HMGB1: variants seen among roughly 807,000 people sequenced by gnomAD.
HMGB1 encodes high mobility group protein B1.
For missense variants in HMGB1, 79 were observed against 253.5 expected, an observed-to-expected ratio of 0.31 and a Z score of 4.67; for synonymous variants, 81 against 84.0, an observed-to-expected ratio of 0.96 and a Z score of 0.19.
At chr13:30,589,280 C>T (rs182946732) in intron 1 of HMGB1, among the ~76,000 whole-genome samples, 1 of 152,220 alleles carries the variant, frequency 6.6e-6, no homozygotes, top group African/African-American at 2.4e-5. Flanking sequence ...GCTGGGATTA[C>T]AGGCGTGAAC....
rs556880853 is a variant in HMGB1 at position 30,588,249 on chromosome 13, T to C, written c.-15+28422A>G. On this transcript the variant is annotated intron_variant, in intron 1 of 4. Transcript: ENST00000405805. ...CAGAAAGACAATGTATAATTATACA[T>C]ACGCACTAAAGCAAAGATAACATAA... Among the ~76,000 whole-genome samples, 11 of 152,290 alleles carry C rather than the reference T, an allele frequency of 7.2e-5. No homozygotes were observed. The South Asian group carries it at 2.3e-3, about 32-fold the overall frequency.
intron 1 of HMGB1, among the ~76,000 whole-genome samples, chr13:30,538,491 T>C (rs936117566): frequency 2.0e-5 from 1 of 49,188 alleles, no homozygotes; most frequent in African/African-American, 5.5e-5. Flanking sequence ...TCTTTCTTTC[T>C]TTCTTTCTTT....
intron 1 of HMGB1, among the ~76,000 whole-genome samples, chr13:30,488,737 T>G (rs1887422184): frequency 6.6e-6 from 1 of 150,994 alleles, no homozygotes. Context: ...CAGGCTGGTT[T>G]TGAACTCCTG....
chr13:30,547,843 G>A (rs1039149846), intron 1 of HMGB1, among the ~76,000 whole-genome samples: 3 of 152,088 alleles, frequency 2.0e-5, no homozygotes, highest in South Asian at 2.1e-4. Context: ...GCTTGAACCC[G>A]GGAGGCAGAG....
chr13:30,503,652 T>C (rs1887788118), intron 1 of HMGB1, among the ~76,000 whole-genome samples: 1 of 146,814 alleles, frequency 6.8e-6, no homozygotes, highest in African/African-American at 2.5e-5. Context: ...AGCTTCTTTT[T>C]TTTTTTTTTT....
At chr13:30,464,009 G>T in intron 1 of HMGB1, 3 of 719,794 alleles carry the variant, frequency 4.2e-6, no homozygotes, top group Non-Finnish European at 3.4e-6. Flanking sequence ...TCACTTAAAC[G>T]ATTTTAAAAT....
intron 1 of HMGB1, among the ~76,000 whole-genome samples, chr13:30,500,409 G>A (rs1887707449): frequency 1.3e-5 from 2 of 152,106 alleles, no homozygotes; most frequent in African/African-American, 4.8e-5. Context: ...CCATTCTGTT[G>A]CTCAGGCTGG....
intron 1 of HMGB1, among the ~76,000 whole-genome samples, chr13:30,523,209 A>T (rs1888279254): frequency 1.3e-5 from 2 of 152,202 alleles, no homozygotes; most frequent in Non-Finnish European, 2.9e-5. Context: ...TTTTGTGTTT[A>T]TGAACTGAGA....
chr13:30,561,888 G>A (rs1185017776), intron 1 of HMGB1, among the ~76,000 whole-genome samples: 1 of 152,114 alleles, frequency 6.6e-6, no homozygotes, highest in Non-Finnish European at 1.5e-5. Context: ...AGACATGAGG[G>A]AGGGGCCAGA....
Position 30,519,567 on chromosome 13 carries a change from G to A in HMGB1, c.-14-55873C>T, listed in dbSNP as rs935258032. ...AAAAAAAAATTAGCCAGGCGTGGTG[G>A]CGGGCGCCTGTAGTCCCAGCTACTT... On this transcript the variant is annotated intron_variant, in intron 1 of 4. Transcript: ENST00000405805. Among the ~76,000 whole-genome samples the A allele has an allele frequency of 4.6e-5, 7 of 151,296 alleles. No homozygotes were observed. In the South Asian group the frequency reaches 8.4e-4, roughly 18 times the overall value.
At chr13:30,549,905 C>A (rs1250194589) in intron 1 of HMGB1, among the ~76,000 whole-genome samples, 1 of 151,974 alleles carries the variant, frequency 6.6e-6, no homozygotes, top group Non-Finnish European at 1.5e-5. Context: ...TTAGTAGAGA[C>A]GGGGTTTTGC....
chr13:30,497,101 C>A (rs1445794599), intron 1 of HMGB1, among the ~76,000 whole-genome samples: 1 of 152,154 alleles, frequency 6.6e-6, no homozygotes, highest in African/African-American at 2.4e-5. Context: ...TATCTCTTTT[C>A]GCTGGCTCCT....
chr13:30,521,595 C>A (rs1311779056), intron 1 of HMGB1, among the ~76,000 whole-genome samples: 2 of 152,162 alleles, frequency 1.3e-5, no homozygotes, highest in Non-Finnish European at 2.9e-5. Flanking sequence ...GGATATATCA[C>A]ATTTTATTTA....
chr13:30,464,346 G>C (rs1336406983), intron 1 of HMGB1: 3 of 985,358 alleles, frequency 3.0e-6, no homozygotes, highest in Non-Finnish European at 1.2e-6. Flanking sequence ...CCGGTCTGAA[G>C]TTTCTCCGAG....
intron 3 of HMGB1, 55 bp downstream of exon 3, chr13:30,463,152 T>C: frequency 6.5e-7 from 1 of 1,543,550 alleles, no homozygotes; most frequent in South Asian, 1.2e-5. Flanking sequence ...GCTAAATTTC[T>C]CTCAGATTCT....
chr13:30,522,511 G>A (rs761931348), intron 1 of HMGB1, among the ~76,000 whole-genome samples: 5 of 152,098 alleles, frequency 3.3e-5, no homozygotes, highest in Non-Finnish European at 5.9e-5. Context: ...GAGTGATGAC[G>A]AATTAGAGGT....
At chr13:30,579,518 G>C (rs1870810917) in intron 1 of HMGB1, among the ~76,000 whole-genome samples, 1 of 152,142 alleles carries the variant, frequency 6.6e-6, no homozygotes, top group African/African-American at 2.4e-5. Context: ...GCATTTTGGG[G>C]AGATTAAATG....
At chr13:30,514,242 T>C (rs749687602) in intron 1 of HMGB1, among the ~76,000 whole-genome samples, 6 of 151,848 alleles carry the variant, frequency 4.0e-5, no homozygotes, top group East Asian at 2.0e-4. Flanking sequence ...ATGGCTAGCA[T>C]TGATTGAGTT....
chr13:30,494,119 T>C (rs1230530643), intron 1 of HMGB1, among the ~76,000 whole-genome samples: 2 of 152,184 alleles, frequency 1.3e-5, no homozygotes, highest in Non-Finnish European at 2.9e-5. Flanking sequence ...CCACTCAAAC[T>C]TCACATTTCT....
Sources: allele counts gnomAD v4.1 joint callset (sites outside exome capture counted in the v4.1 genomes callset), GRCh38; gene constraint gnomAD v4.1.1; transcripts MANE v1.5; gene names NCBI Gene and HGNC (gene_info 2026-07-23, HGNC 2026-07-21).